MUC6: variants seen among roughly 807,000 people sequenced by gnomAD.
MUC6 encodes the protein mucin 6, oligomeric mucus/gel-forming (gene/pseudogene).
MUC6 carries 188 observed loss-of-function variants against 201.5 expected under a neutral mutation model. The ratio of observed to expected loss-of-function variants is 0.93; its 90% CI spans 0.83 to 1.05. The LOEUF is 1.05. MUC6 is among the 50% of genes least tolerant of loss of function. The pLI, the probability that MUC6 is intolerant of heterozygous loss-of-function variation, is 0.00. For missense variants in MUC6, 2,706 were observed against 3,256.9 expected (o/e 0.83, Z 4.12); for synonymous variants, 1,228 against 1,389.4 (o/e 0.88, Z 2.58).
intron 31 of MUC6, 37 bp from the exon 32 acceptor site, chr11:1,014,038 G>C: frequency 6.4e-7 from 1 of 1,551,440 alleles, no homozygotes. Context: ...CGCCCAGGGT[G>C]GGCATGGAGC....
chr11:1,035,554 C>T (rs964173207), intron 1 of MUC6, among the ~76,000 whole-genome samples: 2 of 144,498 alleles, frequency 1.4e-5, no homozygotes, highest in East Asian at 2.1e-4. Flanking sequence ...TGGTGCCCGG[C>T]GTGGTGGGGA....
chr11:1,015,433 G>A (rs1856580126), intron 31 of MUC6, among the ~76,000 whole-genome samples: 1 of 152,198 alleles, frequency 6.6e-6, no homozygotes, highest in African/African-American at 2.4e-5. Context: ...GGGCAGCCAG[G>A]GAAGGCTTTT....
Position 1,017,176 on chromosome 11 carries a change from G to A in MUC6, c.5625C>T (p.Gly1875=), listed in dbSNP as rs565922612. The A allele has an allele frequency of 1.2e-6, 2 of 1,613,466 alleles. No individual in the cohort carries two copies. Among genetic ancestry groups the A allele is most frequent in the East Asian group, 4.5e-5 (2 of 44,826 alleles). The part of the protein sequence containing the change: ...TSASIHSMPT[G]TIPPPTTIKA... The stretch of plus-strand genomic sequence containing the variant: ...TGATCGTGGTCGGTGGAGGAATGGT[G>A]CCTGTTGGCATTGAGTGGATGGAGG... Residue 1875 remains glycine (G), a synonymous_variant, in exon 31 of 33, where the codon GGC becomes GGT. Transcript: ENST00000421673.
At chr11:1,018,849 ATG>A in intron 30 of MUC6, 79 bp from the exon 31 acceptor site, 1 of 1,497,328 alleles carries the variant, frequency 6.7e-7, no homozygotes, top group Non-Finnish European at 8.9e-7. Context: ...CCTTTTGTCT[ATG>A]TGACCTTTTT....
chr11:1,031,553 C>G lies in MUC6; in HGVS notation c.483+54G>C. On this transcript the variant is annotated intron_variant, in intron 4 of 32. Coordinates refer to ENST00000421673, the MANE Select transcript of MUC6 (RefSeq NM_005961.3). ...GGAGGGCAGCCCCTCCCAAGTCCCA[C>G]CTGCCCCCCCGTGCTGCGGGTCTCC... 3.9e-6 allele frequency: 6 copies of G among 1,531,888 alleles called. No homozygotes were observed. The South Asian group carries it at 7.2e-5, about 18-fold the overall frequency. 94.9% of individuals were successfully genotyped at this position (1,531,888 alleles called of 1,614,324 possible).
At chr11:1,023,206 T>C (rs901156019) in intron 26 of MUC6, among the ~76,000 whole-genome samples, 4 of 150,814 alleles carry the variant, frequency 2.7e-5, no homozygotes, top group Admixed American at 1.3e-4. Context: ...TGAATGAGCA[T>C]GAATGAATGT....
rs759788635 is a variant in MUC6, at chr11:1,027,028, G to A, written c.2307C>T (p.Thr769=). ...CGGAGGACTGGCTGCAGGACTTGAAGGTCTTAGGGGCCTGGCAGGAGGCTG... is the reference window on the plus strand; with the variant it reads ...CGGAGGACTGGCTGCAGGACTTGAAAGTCTTAGGGGCCTGGCAGGAGGCTG... ...MFLASCQAPK[T]FKSCSQSSEN... Residue 769 remains threonine (T), a synonymous_variant, in exon 19 of 33, where the codon ACC becomes ACT. Transcript: ENST00000421673. The A allele has an allele frequency of 6.2e-7, 1 of 1,602,940 alleles. No homozygotes were observed. Among genetic ancestry groups the A allele is most frequent in the Admixed American group, 1.7e-5 (1 of 58,244 alleles).
chr11:1,018,626 C>G lies in MUC6; in HGVS notation c.4175G>C (p.Arg1392Thr). The G allele has an allele frequency of 1.9e-6, 3 of 1,612,770 alleles. No individual in the cohort carries two copies. Among genetic ancestry groups the G allele is most frequent in the Non-Finnish European group, 2.5e-6 (3 of 1,179,478 alleles). Residue 1392 changes from arginine (R) to threonine (T), a missense_variant, in exon 31 of 33, where the codon AGA (arginine) becomes ACA (threonine). By Grantham distance (71) the Arg-to-Thr change is moderately conservative. This residue lies in a region of MUC6 where 1,850 missense variants were observed against 1,958.3 expected (regional missense o/e 0.94). Transcript: ENST00000421673. ...GGGCGTTGTGTATTCAGTAGTCGTTCTTGTTTGAGTGGTCTCTGTGGCTGT... is the reference window on the plus strand; with the variant it reads ...GGGCGTTGTGTATTCAGTAGTCGTTGTTGTTTGAGTGGTCTCTGTGGCTGT... Reference protein sequence around the residue: ...RPTATETTQTRTTTEYTTPQT... With the variant: ...RPTATETTQTTTTTEYTTPQT...
intron 31 of MUC6, among the ~76,000 whole-genome samples, 184 bp downstream of exon 31, chr11:1,015,578 C>T (rs958406840): frequency 6.6e-5 from 10 of 152,034 alleles, no homozygotes; most frequent in African/African-American, 1.9e-4. Flanking sequence ...GCCAGGACAG[C>T]GTTGGCATAG....
At chr11:1,022,832 CATGA>C (rs111981892) in intron 26 of MUC6, among the ~76,000 whole-genome samples, 596 of 152,224 alleles carry the variant, frequency 3.9e-3, no homozygotes, top group Non-Finnish European at 5.2e-3. Context: ...AATAAGCAAA[CATGA>C]ATGAATGAAT....
At chr11:1,032,168 C>G in intron 2 of MUC6, 115 bp from the exon 3 acceptor site, 1 of 1,403,658 alleles carries the variant, frequency 7.1e-7, no homozygotes, top group South Asian at 1.4e-5. Context: ...GAGTTGGGGC[C>G]AGGCTGTGGA....
intron 31 of MUC6, among the ~76,000 whole-genome samples, chr11:1,014,615 A>G (rs528299782): frequency 3.3e-5 from 5 of 152,300 alleles, no homozygotes; most frequent in Middle Eastern, 6.8e-3. Context: ...AGGCAGTGGC[A>G]GCGTTGGCAT....
intron 27 of MUC6, 110 bp from the exon 28 acceptor site, chr11:1,020,844 G>T: frequency 2.3e-6 from 3 of 1,327,604 alleles, no homozygotes; most frequent in Non-Finnish European, 3.1e-6. Flanking sequence ...GGCTGTGGTG[G>T]AGGGGACTGG....
chr11:1,036,312 C>T (rs898782204), intron 1 of MUC6, among the ~76,000 whole-genome samples: 14 of 152,308 alleles, frequency 9.2e-5, no homozygotes, highest in Middle Eastern at 6.8e-3. Context: ...AGTGCCGGAC[C>T]CCACTCCAGC....
rs908916605 is a variant in MUC6, at chr11:1,021,817, C to T, written c.3527-540G>A. Among the ~76,000 whole-genome samples the T allele has an allele frequency of 2.0e-5, 3 of 152,100 alleles. 1 individual carries two copies. Among genetic ancestry groups the T allele is most frequent in the Admixed American group, 6.5e-5 (1 of 15,278 alleles). On this transcript the variant is annotated intron_variant, in intron 26 of 32. Coordinates refer to ENST00000421673, the MANE Select transcript of MUC6 (RefSeq NM_005961.3). ...GGCCCCTCTTCTGTGCTCCCCGATGCAGGTGCCCTGCATTGCCCTCCTGAG... is the reference window on the plus strand; with the variant it reads ...GGCCCCTCTTCTGTGCTCCCCGATGTAGGTGCCCTGCATTGCCCTCCTGAG...
intron 24 of MUC6, 137 bp from the exon 25 acceptor site, chr11:1,024,240 G>A (rs1243600344): frequency 8.5e-6 from 9 of 1,064,338 alleles, no homozygotes; most frequent in East Asian, 2.6e-5. Context: ...GCGGCACCAC[G>A]TGGACCTCAG....
At chr11:1,020,547 T>G in intron 28 of MUC6, 137 bp downstream of exon 28, 1 of 1,323,930 alleles carries the variant, frequency 7.6e-7, no homozygotes, top group Non-Finnish European at 1.1e-6. Flanking sequence ...CAACTCTGAT[T>G]GCCAGGTTAG....
At position 1,027,202 on chromosome 11, in the gene MUC6, G is replaced by C. The variant is rs765754944; in HGVS notation, c.2232-9C>G. 6.2e-7 allele frequency: 1 copy of C among 1,612,204 alleles called. No homozygotes were observed. Among genetic ancestry groups the C allele is most frequent in the Non-Finnish European group, 8.5e-7 (1 of 1,179,694 alleles). On this transcript the variant is annotated splice_polypyrimidine_tract_variant and intron_variant, in intron 17 of 32. Transcript: ENST00000421673. ...GCCCGTTGATGCAGTGGCTGCAAGAGAGAGGCTGCGTGAGACCCCGGGACC... is the reference window on the plus strand; with the variant it reads ...GCCCGTTGATGCAGTGGCTGCAAGACAGAGGCTGCGTGAGACCCCGGGACC...
At position 1,025,326 on chromosome 11, in the gene MUC6, G is replaced by T. The variant is rs138840335; in HGVS notation, c.2841C>A (p.Thr947=). ...CGAGCTGCACGTGGGGCTCCTCCCC[G>T]GTGACCGTGTAGTTTCTGTCCGCCA... The part of the protein sequence containing the change: ...VVLADRNYTV[T]GEEPHVQLGV... The change falls in exon 23 of 33, where the codon ACC becomes ACA. Residue 947 remains threonine (T), a synonymous_variant. Transcript: ENST00000421673. The T allele has an allele frequency of 6.2e-7, 1 of 1,612,040 alleles. No homozygotes were observed. The highest frequency in any genetic ancestry group is 8.5e-7 in the Non-Finnish European group (1 of 1,179,500).
Sources: allele counts gnomAD v4.1 joint callset (sites outside exome capture counted in the v4.1 genomes callset), GRCh38; gene constraint gnomAD v4.1.1; regional missense constraint gnomAD v4.1.1; transcripts MANE v1.5; gene names NCBI Gene and HGNC (gene_info 2026-07-23, HGNC 2026-07-21).